The following ADAM2 variants were observed in gnomAD, a reference collection of about 807,000 sequenced individuals.
ADAM2 encodes the protein disintegrin and metalloproteinase domain-containing protein 2.
Under a neutral mutation model 99.3 loss-of-function variants are expected in ADAM2, and 101 were observed. That is an observed-to-expected ratio of 1.02 (90% CI 0.87 to 1.20). The LOEUF is 1.20. Among genes scored for constraint, ADAM2 ranks in the 50% most tolerant of loss-of-function variants. The probability of loss-of-function intolerance (pLI) is 0.00; values close to 1 mark genes in which losing one functional copy is unlikely to be tolerated. For missense variants in ADAM2, 948 were observed against 878.7 expected (o/e 1.08, Z -1.00); for synonymous variants, 323 against 287.6 (o/e 1.12, Z -1.25).
intron 16 of ADAM2, among the ~76,000 whole-genome samples, chr8:39,750,581 G>T (rs1801887890): frequency 6.6e-6 from 1 of 152,104 alleles, no homozygotes; most frequent in Non-Finnish European, 1.5e-5. Flanking sequence ...TCATTGCTGT[G>T]GTCCACAAAA....
At chr8:39,750,056 A>T (rs955654998) in intron 16 of ADAM2, among the ~76,000 whole-genome samples, 4 of 152,134 alleles carry the variant, frequency 2.6e-5, no homozygotes, top group Admixed American at 2.6e-4. Context: ...TAATGAAAAA[A>T]TTGATTTGTG....
At chr8:39,790,679 C>T (rs1233292281) in intron 7 of ADAM2, among the ~76,000 whole-genome samples, 2 of 151,928 alleles carry the variant, frequency 1.3e-5, no homozygotes, top group Non-Finnish European at 2.9e-5. Flanking sequence ...CATAGTTTAA[C>T]ATCATAAAAT....
intron 10 of ADAM2, among the ~76,000 whole-genome samples, chr8:39,778,501 C>A (rs887109029): frequency 6.6e-6 from 1 of 152,128 alleles, no homozygotes; most frequent in African/African-American, 2.4e-5. Flanking sequence ...TAAAATGACT[C>A]TCTTCCCTCC....
intron 6 of ADAM2, among the ~76,000 whole-genome samples, chr8:39,811,533 A>G (rs1008101482): frequency 1.3e-5 from 2 of 152,188 alleles, no homozygotes; most frequent in African/African-American, 4.8e-5. Context: ...CCTCAATAAA[A>G]TACTGGCAAA....
At chr8:39,824,274 C>CAAAAAAAA (rs201545294) in intron 4 of ADAM2, among the ~76,000 whole-genome samples, 7 of 83,502 alleles carry the variant, frequency 8.4e-5, no homozygotes, top group Non-Finnish European at 1.0e-4. Context: ...AACTCTATCT[C>CAAAAAAAA]AAAAAAAAAA....
At chr8:39,830,727 T>C (rs1805579942) in intron 3 of ADAM2, among the ~76,000 whole-genome samples, 1 of 151,904 alleles carries the variant, frequency 6.6e-6, no homozygotes, top group Non-Finnish European at 1.5e-5. Flanking sequence ...AGCATTTAAA[T>C]GAAAGGAATA....
chr8:39,800,125 G>T (rs181492191), intron 7 of ADAM2, among the ~76,000 whole-genome samples: 1 of 152,300 alleles, frequency 6.6e-6, no homozygotes, highest in East Asian at 1.9e-4. Context: ...AGTGCCATGG[G>T]TCTTTAAGTT....
At position 39,749,378 on chromosome 8, in the gene ADAM2, G is replaced by A; in HGVS notation, c.1948C>T (p.Leu650=). The A allele has an allele frequency of 1.2e-6, 2 of 1,613,404 alleles. No homozygotes were observed. The highest frequency in any genetic ancestry group is 1.7e-6 in the Non-Finnish European group (2 of 1,179,506). The change falls in exon 18 of 21, where the codon CTA becomes TTA. Residue 650 remains leucine (L), a synonymous_variant. Coordinates refer to ENST00000265708, the MANE Select transcript of ADAM2 (RefSeq NM_001464.5). ...LPPDCSVQSD[L]WPGGSIDSGN... ...CTGTCAATACTCCCACCAGGCCATA[G>A]ATCTGATTGAACTGAGCAATCTGGA... is the stretch of plus-strand genomic sequence containing the variant.
intron 6 of ADAM2, among the ~76,000 whole-genome samples, chr8:39,815,255 T>G (rs1339622884): frequency 6.6e-6 from 1 of 152,164 alleles, no homozygotes; most frequent in Admixed American, 6.5e-5. Context: ...AATCTATTTT[T>G]AGTATTAAGG....
intron 6 of ADAM2, among the ~76,000 whole-genome samples, chr8:39,818,811 A>T (rs1805057675): frequency 6.6e-6 from 1 of 152,044 alleles, no homozygotes; most frequent in Non-Finnish European, 1.5e-5. Context: ...TAACATCTAA[A>T]GTAATAACAC....
chr8:39,746,400 A>G, intron 19 of ADAM2, 72 bp downstream of exon 19: 2 of 1,003,850 alleles, frequency 2.0e-6, no homozygotes, highest in South Asian at 1.8e-5. Flanking sequence ...TACTCATTAC[A>G]TCGACCACAT....
At chr8:39,750,937 T>C (rs914319459) in intron 16 of ADAM2, among the ~76,000 whole-genome samples, 1 of 152,174 alleles carries the variant, frequency 6.6e-6, no homozygotes, top group African/African-American at 2.4e-5. Context: ...TAGAAATATT[T>C]TTTATTTTAA....
intron 11 of ADAM2, among the ~76,000 whole-genome samples, chr8:39,770,546 T>C (rs1438466384): frequency 6.6e-6 from 1 of 152,214 alleles, no homozygotes. Context: ...TGAGTTAAAG[T>C]CTTGGTTTTG....
At chr8:39,832,221 G>GA (rs763141907) in intron 3 of ADAM2, among the ~76,000 whole-genome samples, 2 of 152,124 alleles carry the variant, frequency 1.3e-5, no homozygotes, top group Non-Finnish European at 1.5e-5. Flanking sequence ...ATGTTGCCAG[G>GA]AAAATGCACA....
intron 15 of ADAM2, among the ~76,000 whole-genome samples, chr8:39,759,347 T>TA (rs905438714): frequency 1.8e-4 from 27 of 151,756 alleles, no homozygotes; most frequent in South Asian, 8.3e-4. Context: ...CCGATAGTAT[T>TA]AAAAAAAACT....
rs190573363 is a variant in ADAM2, at chr8:39,746,572, A to G, written c.2074T>C (p.Phe692Leu). ...CAGAAAATAATAAAGAAAGGAATGA[A>G]TAAGAAAAATGGCCATCTCATTGGT... The part of the protein sequence containing the change: ...SKPMRWPFFL[F>L]IPFFIIFCVL... The change falls in exon 19 of 21, where the codon TTC (phenylalanine) becomes CTC (leucine). Residue 692 changes from phenylalanine to leucine, a missense_variant. By Grantham distance (22) the Phe-to-Leu change is conservative. Coordinates refer to ENST00000265708, the MANE Select transcript of ADAM2 (RefSeq NM_001464.5). 52 of 1,607,924 alleles carry G rather than the reference A, an allele frequency of 3.2e-5. No homozygotes were observed. In the East Asian group the frequency reaches 1.1e-3, roughly 35 times the overall value.
intron 2 of ADAM2, 94 bp downstream of exon 2, chr8:39,837,042 C>A: frequency 1.1e-6 from 1 of 878,924 alleles, no homozygotes; most frequent in South Asian, 1.9e-5. Context: ...TAAAATTCAA[C>A]AGGTGTGCAT....
chr8:39,783,324 G>GA (rs1329069367), intron 10 of ADAM2, among the ~76,000 whole-genome samples: 3 of 152,050 alleles, frequency 2.0e-5, no homozygotes, highest in Admixed American at 6.6e-5. Flanking sequence ...TTGATAAAAT[G>GA]AAAAAATACA....
intron 10 of ADAM2, among the ~76,000 whole-genome samples, chr8:39,778,387 G>A (rs945693576): frequency 1.3e-5 from 2 of 151,986 alleles, no homozygotes; most frequent in Non-Finnish European, 2.9e-5. Context: ...GGAGAGAAGA[G>A]AATGAGATGT....
Sources: gnomAD v4.1 joint callset for allele counts (sites outside exome capture counted in the v4.1 genomes callset) on GRCh38, gnomAD v4.1.1 for gene constraint, MANE v1.5 for transcripts, NCBI Gene and HGNC (gene_info 2026-07-23, HGNC 2026-07-21) for gene names.